CUX1: variants seen among roughly 807,000 people sequenced by gnomAD.
The protein encoded by CUX1 is cut like homeobox 1, also known as protein CASP.
CUX1 carries 31 observed loss-of-function variants against 158.8 expected under a neutral mutation model. The observed-to-expected ratio is 0.20, with a 90% CI of 0.15 to 0.26. CUX1 has a LOEUF of 0.26. CUX1 is among the 10% of genes least tolerant of loss of function. CUX1 has a pLI of 1.00. For missense variants in CUX1, 1,589 were observed against 2,014.6 expected (o/e 0.79, Z 4.04); for synonymous variants, 879 against 862.1 (o/e 1.02, Z -0.34).
At chr7:101,939,411 G>T (rs1244845724) in intron 2 of CUX1, among the ~76,000 whole-genome samples, 1 of 152,066 alleles carries the variant, frequency 6.6e-6, no homozygotes, top group Non-Finnish European at 1.5e-5. Flanking sequence ...TTATGTCACA[G>T]GTCCAACATC....
chr7:102,149,590 C>T lies in CUX1; in HGVS notation c.675-8970C>T, dbSNP rs904973757. ...TGGGCGTTATTGGTGGGAGACCTCC[C>T]TGTCTCAGTCTGAGCTGGGCCCATC... On this transcript the variant is annotated intron_variant, in intron 8 of 23. Transcript: ENST00000292535. Among the ~76,000 whole-genome samples the T allele has an allele frequency of 7.9e-4, 120 of 152,324 alleles. 1 individual carries two copies. Among genetic ancestry groups the T allele is most frequent in the African/African-American group, 2.6e-3 (109 of 41,574 alleles).
intron 2 of CUX1, among the ~76,000 whole-genome samples, chr7:102,025,290 G>A (rs1298019982): frequency 3.3e-5 from 5 of 152,102 alleles, no homozygotes; most frequent in Non-Finnish European, 7.4e-5. Context: ...TATCTCTGGC[G>A]GACTATTATT....
chr7:101,857,748 CGTTTT>C lies in CUX1; in HGVS notation c.30+40080_30+40084del, dbSNP rs1797015881. On this transcript the variant is annotated intron_variant, in intron 1 of 23. Transcript: ENST00000292535. ...TGCATAATTGCAAGGAGCTTTGTTT[CGTTTT>C]ATTTTGCAGGGAATTTTTTTCCCCC... Among the ~76,000 whole-genome samples the C allele has an allele frequency of 9.1e-5, 13 of 142,228 alleles. No homozygotes were observed. In the South Asian group the frequency reaches 3.0e-3, roughly 33 times the overall value. The allele number at this position is 142,228 out of a possible 152,430, so 93.3% of individuals were successfully genotyped here.
In CUX1 at chr7:102,255,301, T is replaced by C; in HGVS notation, c.*6259T>C. 4.1e-6 allele frequency: 4 copies of C among 985,014 alleles called. No homozygotes were observed. The highest frequency in any genetic ancestry group is 4.8e-6 in the Non-Finnish European group (4 of 829,900). The allele number at this position is 985,014 out of a possible 1,614,324, so 61.0% of individuals were successfully genotyped here. On this transcript the variant is annotated 3_prime_UTR_variant, in exon 24 of 24. Coordinates refer to ENST00000292535, the MANE Select transcript of CUX1 (RefSeq NM_181552.4). Reference sequence around the variant, plus strand: ...TTTTCATTTTTGGATGAAGTGACATTTAGCTTTAACAAGACATTTCCAAAG... The same window carrying C: ...TTTTCATTTTTGGATGAAGTGACATCTAGCTTTAACAAGACATTTCCAAAG...
chr7:102,178,581 C>T lies in CUX1; in HGVS notation c.941C>T (p.Thr314Ile), dbSNP rs367848953. ...EDVQRLQASL[T>I]KLRENSASQI... ...GTGCAGAGACTCCAGGCCAGCCTCA[C>T]CAAGCTGCGGGAGAATTCGGCCAGC... The change falls in exon 11 of 24, where the codon ACC becomes ATC. Residue 314 changes from threonine to isoleucine, a missense_variant. By Grantham distance (89) the Thr-to-Ile change is moderately conservative (BLOSUM62 -1). Around this residue, in one of 8 missense-constraint regions of CUX1, gnomAD observed 515 missense variants for 574.4 expected, o/e 0.90. Coordinates refer to ENST00000292535, the MANE Select transcript of CUX1 (RefSeq NM_181552.4). 4.3e-6 allele frequency: 7 copies of T among 1,612,384 alleles called. No individual in the cohort carries two copies. In the African/African-American group the frequency reaches 6.7e-5, roughly 15 times the overall value.
chr7:102,117,582 C>A (rs1292015169), intron 8 of CUX1, among the ~76,000 whole-genome samples: 2 of 151,984 alleles, frequency 1.3e-5, no homozygotes, highest in African/African-American at 4.8e-5. Flanking sequence ...GGAAGAGGGA[C>A]CCAGGGCAGC....
Position 102,253,534 on chromosome 7 carries a change from T to C in CUX1, c.*4492T>C, listed in dbSNP as rs1367339970. On this transcript the variant is annotated 3_prime_UTR_variant, in exon 24 of 24. Transcript: ENST00000292535. ...ATGCAAGGGTGATCAATGAACTCTG[T>C]TGACATTCTATGCAATGTTTTTCAT... 2 of 985,500 alleles carry C rather than the reference T, an allele frequency of 2.0e-6. No homozygotes were observed. Among genetic ancestry groups the C allele is most frequent in the Non-Finnish European group, 2.4e-6 (2 of 829,950 alleles). 61.0% of individuals were successfully genotyped at this position (985,500 alleles called of 1,614,324 possible). A position where few individuals can be genotyped will look rare whatever the true frequency, so the allele number is the denominator to read the frequency against.
intron 1 of CUX1, among the ~76,000 whole-genome samples, chr7:101,893,831 A>G (rs965902267): frequency 2.6e-5 from 4 of 152,258 alleles, no homozygotes; most frequent in African/African-American, 9.6e-5. Context: ...AAAAATTTAT[A>G]TTGCAGTCCT....
At chr7:101,844,021 A>C (rs1795429304) in intron 1 of CUX1, among the ~76,000 whole-genome samples, 1 of 152,188 alleles carries the variant, frequency 6.6e-6, no homozygotes, top group Non-Finnish European at 1.5e-5. Flanking sequence ...TGGGACTTTC[A>C]GAGCTCACCT....
chr7:101,987,406 A>G (rs534486762), intron 2 of CUX1, among the ~76,000 whole-genome samples: 1 of 152,296 alleles, frequency 6.6e-6, no homozygotes, highest in African/African-American at 2.4e-5. Flanking sequence ...AGCTTCTCAT[A>G]GGTTCAAGCG....
chr7:101,885,309 C>CACCTCTGCATA (rs1221412926), intron 1 of CUX1, among the ~76,000 whole-genome samples: 1 of 152,172 alleles, frequency 6.6e-6, no homozygotes, highest in African/African-American at 2.4e-5. Flanking sequence ...GCAGAGGTGA[C>CACCTCTGCATA]TGTCACCTGC....
intron 20 of CUX1, among the ~76,000 whole-genome samples, chr7:102,215,075 C>T (rs985629210): frequency 1.3e-5 from 2 of 152,144 alleles, no homozygotes; most frequent in Non-Finnish European, 2.9e-5. Context: ...ACCCGGGCCC[C>T]AGAGGGACAC....
At position 101,869,747 on chromosome 7, in the gene CUX1, A is replaced by AGCGCAGGGGAG. The variant is rs1186619474; in HGVS notation, c.31-46354_31-46344dup. Among the ~76,000 whole-genome samples the AGCGCAGGGGAG allele has an allele frequency of 1.8e-3, 270 of 152,210 alleles. 2 individuals carry two copies. Among genetic ancestry groups the AGCGCAGGGGAG allele is most frequent in the African/African-American group, 6.2e-3 (258 of 41,532 alleles). ...GCGGGAGCTCACAGGCTGCAGAGGA[A>AGCGCAGGGGAG]GCGCAGGGGAGGCGCAGGGGAGGCC... On this transcript the variant is annotated intron_variant, in intron 1 of 23. Coordinates refer to ENST00000292535, the MANE Select transcript of CUX1 (RefSeq NM_181552.4). The surrounding 1 kb of genome is among the most constrained non-coding windows in gnomAD (Gnocchi z 4.5).
chr7:101,897,528 TAAAG>T (rs1463951268), intron 1 of CUX1, among the ~76,000 whole-genome samples: 1 of 151,408 alleles, frequency 6.6e-6, no homozygotes, highest in East Asian at 1.9e-4. Flanking sequence ...AATAATAAAA[TAAAG>T]AAAAGAAAAA....
intron 2 of CUX1, among the ~76,000 whole-genome samples, chr7:101,975,014 G>A (rs1282723212): frequency 6.6e-6 from 1 of 151,960 alleles, no homozygotes; most frequent in Non-Finnish European, 1.5e-5. Flanking sequence ...TTGGGAGGCC[G>A]AGGTGGGTGG....
At chr7:102,277,938 TC>T (rs563967808) in intron 17 of CUX1, 558 of 407,866 alleles carry the variant, frequency 1.4e-3, no homozygotes, top group Middle Eastern at 3.2e-3. Flanking sequence ...TCCTTGCCCC[TC>T]CCCCCCCAGG....
At chr7:102,089,704 A>C (rs1828324834) in intron 4 of CUX1, among the ~76,000 whole-genome samples, 1 of 152,200 alleles carries the variant, frequency 6.6e-6, no homozygotes, top group African/African-American at 2.4e-5. Context: ...GTGCATAGGC[A>C]CTTTAGCTCT....
chr7:102,100,851 A>G (rs1760758272), intron 5 of CUX1, among the ~76,000 whole-genome samples: 1 of 152,194 alleles, frequency 6.6e-6, no homozygotes, highest in Non-Finnish European at 1.5e-5. Flanking sequence ...TGTTGCTGTA[A>G]AGAAATACCT....
intron 4 of CUX1, among the ~76,000 whole-genome samples, chr7:102,077,807 G>A (rs2130700260): frequency 6.6e-6 from 1 of 151,882 alleles, no homozygotes; most frequent in East Asian, 1.9e-4. Context: ...GCAAAATTAT[G>A]ACAGTATGCA....
Sources: allele counts gnomAD v4.1 joint callset (sites outside exome capture counted in the v4.1 genomes callset), GRCh38; gene constraint gnomAD v4.1.1; regional missense constraint gnomAD v4.1.1; non-coding constraint Gnocchi (gnomAD v3.1); transcripts MANE v1.5; gene names NCBI Gene and HGNC (gene_info 2026-07-23, HGNC 2026-07-21).